The following TMED3 variants were observed in gnomAD, a reference collection of about 807,000 sequenced individuals.
TMED3 encodes transmembrane emp24 domain-containing protein 3.
Under a neutral mutation model 15.0 loss-of-function variants are expected in TMED3, and 9 were observed. The observed-to-expected ratio is 0.60, with a 90% confidence interval of 0.36 to 1.04. The LOEUF (loss-of-function observed/expected upper bound fraction) is 1.04, where lower values mean the gene tolerates loss of function less well. Among genes scored for constraint, TMED3 ranks in the 50% least tolerant of loss-of-function variants. The pLI is 0.01. For missense variants in TMED3, 267 were observed against 278.9 expected (o/e 0.96, Z 0.30); for synonymous variants, 117 against 121.4 (o/e 0.96, Z 0.24).
intron 2 of TMED3, among the ~76,000 whole-genome samples, chr15:79,353,166 T>TATAAA (rs1214121972): frequency 3.8e-4 from 32 of 83,456 alleles, no homozygotes; most frequent in African/African-American, 1.4e-3. Context: ...TATATAAATA[T>TATAAA]ATATACATAA....
chr15:79,406,019 C>T lies in TMED3; in HGVS notation c.418-5381C>T, dbSNP rs564714537. ...AGTAAAGATACTATATCTGGCATAG[C>T]GGTTGCAACTGAGGCTATCATTTGG... is the stretch of plus-strand genomic sequence containing the variant. On this transcript the variant is annotated intron_variant, in intron 2 of 2. Transcript: ENST00000424155. Among the ~76,000 whole-genome samples, 15 of 152,316 alleles carry T rather than the reference C, an allele frequency of 9.8e-5. No homozygotes were observed. In the East Asian group the frequency reaches 2.3e-3, roughly 24 times the overall value.
At chr15:79,312,522 G>A (rs2058720234) in intron 1 of TMED3, among the ~76,000 whole-genome samples, 1 of 152,138 alleles carries the variant, frequency 6.6e-6, no homozygotes, top group Non-Finnish European at 1.5e-5. Flanking sequence ...ACTGCTTTTT[G>A]CAAAGCTTGC....
At chr15:79,359,660 T>G (rs1030246098) in intron 2 of TMED3, among the ~76,000 whole-genome samples, 9 of 151,994 alleles carry the variant, frequency 5.9e-5, no homozygotes, top group African/African-American at 2.2e-4. Flanking sequence ...GGTATAGAAT[T>G]TGGGAGTTGT....
At chr15:79,385,546 C>A (rs1225874245) in intron 2 of TMED3, among the ~76,000 whole-genome samples, 1 of 152,044 alleles carries the variant, frequency 6.6e-6, no homozygotes, top group African/African-American at 2.4e-5. Flanking sequence ...CTGGAAGGAG[C>A]AGGACTCCTG....
chr15:79,399,209 C>G (rs546998311), intron 2 of TMED3, among the ~76,000 whole-genome samples: 24 of 152,292 alleles, frequency 1.6e-4, no homozygotes, highest in South Asian at 4.1e-4. Context: ...CCACACCCAG[C>G]AAAATCTTAA....
At chr15:79,354,414 AT>A (rs1184606287) in intron 2 of TMED3, among the ~76,000 whole-genome samples, 1 of 152,102 alleles carries the variant, frequency 6.6e-6, no homozygotes, top group African/African-American at 2.4e-5. Context: ...AGCTCAGGAA[AT>A]TCTCCTTTCT....
At chr15:79,333,176 T>G (rs1328354815) in intron 2 of TMED3, among the ~76,000 whole-genome samples, 1 of 152,232 alleles carries the variant, frequency 6.6e-6, no homozygotes, top group Non-Finnish European at 1.5e-5. Flanking sequence ...ACAGGTCTAC[T>G]GGGGAGACCA....
intron 2 of TMED3, among the ~76,000 whole-genome samples, chr15:79,318,879 C>T (rs140794106): frequency 2.7e-3 from 414 of 152,282 alleles, no homozygotes; most frequent in African/African-American, 9.7e-3. Context: ...TTTGGAAGTT[C>T]CCTTTGGAGT....
intron 2 of TMED3, among the ~76,000 whole-genome samples, chr15:79,355,918 GTTTAAGT>G (rs2058917105): frequency 6.6e-6 from 1 of 152,186 alleles, no homozygotes; most frequent in Non-Finnish European, 1.5e-5. Context: ...GTAATTTACC[GTTTAAGT>G]TTTAAGTGGG....
chr15:79,366,317 G>C (rs1442167161), intron 2 of TMED3, among the ~76,000 whole-genome samples: 1 of 152,210 alleles, frequency 6.6e-6, no homozygotes, highest in African/African-American at 2.4e-5. Flanking sequence ...TGCTGATTCT[G>C]CCCATTGCTC....
At chr15:79,355,844 T>A (rs549123802) in intron 2 of TMED3, among the ~76,000 whole-genome samples, 1 of 152,334 alleles carries the variant, frequency 6.6e-6, no homozygotes, top group South Asian at 2.1e-4. Context: ...GTTTCCTGGG[T>A]GGCATCTACT....
chr15:79,339,575 G>C (rs769794906), intron 2 of TMED3, among the ~76,000 whole-genome samples: 4 of 152,190 alleles, frequency 2.6e-5, no homozygotes, highest in Non-Finnish European at 5.9e-5. Flanking sequence ...CCAAATTTGG[G>C]GTGGTGTTGG....
intron 2 of TMED3, among the ~76,000 whole-genome samples, chr15:79,329,235 C>G (rs1010111084): frequency 6.6e-6 from 1 of 152,202 alleles, no homozygotes; most frequent in Non-Finnish European, 1.5e-5. Context: ...GGCCTTTAGC[C>G]CTTCTCAATA....
downstream of TMED3, among the ~76,000 whole-genome samples, chr15:79,323,036 A>G (rs1307042392): frequency 2.0e-5 from 3 of 152,188 alleles, no homozygotes; most frequent in East Asian, 1.9e-4. Flanking sequence ...GTCTCCTCGC[A>G]TGCTCACACC....
rs117167551 is a variant in TMED3 at position 79,370,039 on chromosome 15, T to C, written c.418-41361T>C. Among the ~76,000 whole-genome samples the C allele has an allele frequency of 7.9e-3, 1,209 of 152,296 alleles. 9 individuals are homozygous for C. The highest frequency in any genetic ancestry group is 0.011 in the Non-Finnish European group (772 of 68,022). ...AGAGTTCTGTCTTGGAGAACACAGT[T>C]AGACGAACTTGCCCTGTAGGGAATG... On this transcript the variant is annotated intron_variant, in intron 2 of 2. Transcript: ENST00000424155.
intron 2 of TMED3, among the ~76,000 whole-genome samples, chr15:79,405,430 T>A (rs1893890619): frequency 6.6e-6 from 1 of 152,218 alleles, no homozygotes; most frequent in South Asian, 2.1e-4. Flanking sequence ...CTCTCACTCG[T>A]GTCCTGCTCA....
At chr15:79,396,845 A>G (rs1016596761) in intron 2 of TMED3, among the ~76,000 whole-genome samples, 7 of 152,228 alleles carry the variant, frequency 4.6e-5, no homozygotes, top group Non-Finnish European at 8.8e-5. Flanking sequence ...TAACTTTTAA[A>G]TTTATTACAT....
At chr15:79,372,731 G>A (rs1046711966) in intron 2 of TMED3, among the ~76,000 whole-genome samples, 2 of 152,206 alleles carry the variant, frequency 1.3e-5, no homozygotes, top group Non-Finnish European at 2.9e-5. Context: ...GATTATGGGA[G>A]CTACAATTCC....
In TMED3 at chr15:79,336,721, AAC is replaced by A. The variant is rs2058828482; in HGVS notation, c.417+22718_417+22719del. Among the ~76,000 whole-genome samples the A allele has an allele frequency of 3.7e-4, 22 of 59,942 alleles. 1 individual carries two copies. The highest frequency in any genetic ancestry group is 2.2e-3 in the South Asian group (3 of 1,384). 39.3% of individuals were successfully genotyped at this position (59,942 alleles called of 152,430 possible). On this transcript the variant is annotated intron_variant, in intron 2 of 2. Coordinates refer to the TMED3 transcript ENST00000424155. ...AACAAACAAACAAACAAACACAAAA[AAC>A]AAACAAAGAAAAAAACACATTAGCA... is the stretch of plus-strand genomic sequence containing the variant.
Sources: allele counts gnomAD v4.1 joint callset (sites outside exome capture counted in the v4.1 genomes callset), GRCh38; gene constraint gnomAD v4.1.1; transcripts MANE v1.5; gene names NCBI Gene and HGNC (gene_info 2026-07-23, HGNC 2026-07-21).